The following ANKRD6 variants were observed in gnomAD, a reference collection of about 807,000 sequenced individuals.
ANKRD6 encodes the protein ankyrin repeat domain 6, also known as ankyrin repeat domain-containing protein 6.
A neutral mutation model predicts 82.3 loss-of-function variants in ANKRD6; 56 were observed. That is an observed-to-expected ratio of 0.68 (90% CI 0.55 to 0.85). The LOEUF is 0.85. Ranked by LOEUF, ANKRD6 falls within the 40% of genes least tolerant of loss-of-function variation. The probability of loss-of-function intolerance (pLI) is 0.00; values close to 1 mark genes in which losing one functional copy is unlikely to be tolerated. For missense variants in ANKRD6, 852 were observed against 907.6 expected, an observed-to-expected ratio of 0.94 and a Z score of 0.79; for synonymous variants, 347 against 352.1, an observed-to-expected ratio of 0.99 and a Z score of 0.16.
At chr6:89,457,322 A>G (rs141750530) in intron 1 of ANKRD6, among the ~76,000 whole-genome samples, 1 of 152,322 alleles carries the variant, frequency 6.6e-6, no homozygotes, top group East Asian at 1.9e-4. Flanking sequence ...GGACCTCAGG[A>G]TTATTGGAAA....
At chr6:89,619,253 TCA>T (rs781608229) in intron 9 of ANKRD6, among the ~76,000 whole-genome samples, 9 of 152,198 alleles carry the variant, frequency 5.9e-5, no homozygotes, top group Non-Finnish European at 1.3e-4. Flanking sequence ...GTAAGTGGAA[TCA>T]CATCCATGAA....
chr6:89,460,079 T>C (rs1442999364), intron 1 of ANKRD6, among the ~76,000 whole-genome samples: 3 of 151,090 alleles, frequency 2.0e-5, no homozygotes, highest in African/African-American at 4.9e-5. Flanking sequence ...AATTGCCCTA[T>C]TGGGGCTCTT....
rs754362940 is a variant in ANKRD6 at position 89,567,004 on chromosome 6, C to T, written c.28C>T (p.Leu10Phe). The stretch of plus-strand genomic sequence containing the variant: ...GAGCCAGCAAGATGCGGTCGCTGCA[C>T]TTTCAGAGCGCCTTCTCGTAGCTGC... MSQQDAVAA[L>F]SERLLVAAYK... is the part of the protein sequence containing the mutation. Residue 10 changes from leucine (L) to phenylalanine (F), a missense_variant, in exon 2 of 16, where the codon CTT becomes TTT. Coordinates refer to ENST00000339746, the MANE Select transcript of ANKRD6 (RefSeq NM_001242809.2). 4 of 1,602,038 alleles carry T rather than the reference C, an allele frequency of 2.5e-6. 1 individual carries two copies. The South Asian group carries it at 4.5e-5, about 18-fold the overall frequency.
intron 1 of ANKRD6, among the ~76,000 whole-genome samples, chr6:89,443,162 T>TA (rs1771641037): frequency 6.6e-6 from 1 of 152,204 alleles, no homozygotes; most frequent in Non-Finnish European, 1.5e-5. Flanking sequence ...GTTTTAATCT[T>TA]ACTGCTGGTC....
intron 1 of ANKRD6, chr6:89,509,183 A>T (rs1780236757): frequency 6.6e-6 from 1 of 152,340 alleles, no homozygotes; most frequent in Non-Finnish European, 1.5e-5. Context: ...TCTTGCTGGC[A>T]GCAAGTGGGC....
At chr6:89,462,052 T>C (rs1774215124) in intron 1 of ANKRD6, among the ~76,000 whole-genome samples, 1 of 151,682 alleles carries the variant, frequency 6.6e-6, no homozygotes, top group Non-Finnish European at 1.5e-5. Flanking sequence ...GCCAATATGG[T>C]GAAACCCTGT....
intron 2 of ANKRD6, among the ~76,000 whole-genome samples, chr6:89,579,544 G>A (rs1375881889): frequency 1.3e-5 from 2 of 152,106 alleles, no homozygotes; most frequent in Non-Finnish European, 2.9e-5. Flanking sequence ...GTCAAGGCTG[G>A]TGGATCTCTT....
intron 2 of ANKRD6, among the ~76,000 whole-genome samples, chr6:89,583,488 A>C (rs1029799108): frequency 2.6e-5 from 4 of 152,216 alleles, no homozygotes; most frequent in Non-Finnish European, 4.4e-5. Flanking sequence ...ACAGTGACTC[A>C]TGTTTCTAGC....
chr6:89,534,119 A>T (rs1783536329), intron 1 of ANKRD6, among the ~76,000 whole-genome samples: 1 of 152,206 alleles, frequency 6.6e-6, no homozygotes, highest in South Asian at 2.1e-4. Context: ...AATATTAATA[A>T]TGCAGCTAAA....
intron 9 of ANKRD6, among the ~76,000 whole-genome samples, chr6:89,619,242 C>T (rs915535644): frequency 6.6e-6 from 1 of 151,998 alleles, no homozygotes; most frequent in African/African-American, 2.4e-5. Context: ...CAGCTTTTAT[C>T]GTAAGTGGAA....
At chr6:89,578,751 C>T (rs1791754366) in intron 2 of ANKRD6, among the ~76,000 whole-genome samples, 1 of 152,098 alleles carries the variant, frequency 6.6e-6, no homozygotes, top group Non-Finnish European at 1.5e-5. Flanking sequence ...AAATCCTTAC[C>T]ACAGCTCTGC....
chr6:89,440,723 A>C (rs564855919), intron 1 of ANKRD6, among the ~76,000 whole-genome samples: 57 of 151,998 alleles, frequency 3.8e-4, no homozygotes, highest in African/African-American at 1.4e-3. Context: ...TGAGCCCAGG[A>C]GTTTGAGGTT....
rs2128286520 is a variant in ANKRD6, at chr6:89,630,440, C to T, written c.1620C>T (p.Asp540=). ...TTTTCCTTCTGAAACCAGGTGTGGA[C>T]CAATTAGTGGTGACTGCAGGTCCAG... The part of the protein sequence containing the change: ...PSTCESSTGV[D]QLVVTAGPAA... The change falls in exon 16 of 16, where the codon GAC becomes GAT. Residue 540 remains aspartate (D), a synonymous_variant. Coordinates refer to ENST00000339746, the MANE Select transcript of ANKRD6 (RefSeq NM_001242809.2). 1 of 1,610,182 alleles carries T rather than the reference C, an allele frequency of 6.2e-7. No individual in the cohort carries two copies. Among genetic ancestry groups the T allele is most frequent in the Non-Finnish European group, 8.5e-7 (1 of 1,177,890 alleles).
chr6:89,618,307 C>T (rs895496169), intron 9 of ANKRD6: 12 of 633,260 alleles, frequency 1.9e-5, no homozygotes, highest in Non-Finnish European at 3.4e-5. Context: ...AGCTACTCAG[C>T]CAAGGAAGAA....
rs1231689292 is a variant in ANKRD6 at position 89,624,680 on chromosome 6, A to T, written c.1360A>T (p.Thr454Ser). The T allele has an allele frequency of 6.2e-7, 1 of 1,604,300 alleles. No individual in the cohort carries two copies. Among genetic ancestry groups the T allele is most frequent in the East Asian group, 2.2e-5 (1 of 44,654 alleles). ...NTKLGQMENK[T>S]QHQMRVLDKL... ...AAAGCTGGGGCAGATGGAGAATAAG[A>T]CCCAGCACCAAGTATGTCATAAGGC... is the stretch of plus-strand genomic sequence containing the variant. Residue 454 changes from threonine (T) to serine (S), a missense_variant, in exon 13 of 16, where the codon ACC (threonine) becomes TCC (serine). Physicochemically the swap from Thr to Ser is moderately conservative, Grantham distance 58. Transcript: ENST00000339746.
chr6:89,561,329 G>A (rs1242680245), intron 1 of ANKRD6: 1 of 152,174 alleles, frequency 6.6e-6, no homozygotes, highest in African/African-American at 2.4e-5. Context: ...GTTTCTTTGT[G>A]ACAGTGGGGT....
intron 2 of ANKRD6, 23 bp from the exon 3 acceptor site, chr6:89,595,893 C>T: frequency 6.3e-7 from 1 of 1,578,894 alleles, no homozygotes; most frequent in Non-Finnish European, 8.6e-7. Flanking sequence ...GTTCCGAAAT[C>T]ATTGTTCATT....
intron 3 of ANKRD6, chr6:89,602,756 A>G (rs554891712): frequency 3.0e-5 from 13 of 431,238 alleles, no homozygotes; most frequent in African/African-American, 2.4e-4. Flanking sequence ...CCTGACCCTC[A>G]TTTTGAGGTT....
At chr6:89,536,209 G>A (rs561939833) in intron 1 of ANKRD6, among the ~76,000 whole-genome samples, 5 of 152,310 alleles carry the variant, frequency 3.3e-5, no homozygotes, top group Admixed American at 2.0e-4. Flanking sequence ...CAGCCTGAGC[G>A]AAGTAGCGAG....
Sources: gnomAD v4.1 joint callset for allele counts (sites outside exome capture counted in the v4.1 genomes callset) on GRCh38, gnomAD v4.1.1 for gene constraint, MANE v1.5 for transcripts, NCBI Gene and HGNC (gene_info 2026-07-23, HGNC 2026-07-21) for gene names.